FAF1: variants seen among roughly 807,000 people sequenced by gnomAD.
The protein encoded by FAF1 is Fas associated factor 1, also known as FAS-associated factor 1.
A neutral mutation model predicts 92.5 loss-of-function variants in FAF1; 25 were observed. The ratio of observed to expected loss-of-function variants is 0.27; its 90% CI spans 0.20 to 0.38. The LOEUF (loss-of-function observed/expected upper bound fraction) is 0.38. Ranked by LOEUF, FAF1 falls within the 10% of genes least tolerant of loss-of-function variation. FAF1 has a pLI of 1.00. For synonymous variants in FAF1, 234 were observed against 273.2 expected, an observed-to-expected ratio of 0.86 and a Z score of 1.42; for missense variants, 636 against 793.3, an observed-to-expected ratio of 0.80 and a Z score of 2.38.
chr1:50,885,986 C>A (rs1479446802), intron 1 of FAF1, among the ~76,000 whole-genome samples: 1 of 152,176 alleles, frequency 6.6e-6, no homozygotes, highest in Non-Finnish European at 1.5e-5. Context: ...TACATCTTAA[C>A]ATCAGCCCCC....
At chr1:50,764,906 T>C (rs192444062) in intron 4 of FAF1, among the ~76,000 whole-genome samples, 1 of 152,342 alleles carries the variant, frequency 6.6e-6, no homozygotes, top group Admixed American at 6.5e-5. Context: ...CAATTTTACA[T>C]GAAAATGTCT....
intron 4 of FAF1, among the ~76,000 whole-genome samples, chr1:50,761,640 G>T (rs555558243): frequency 6.6e-6 from 1 of 152,038 alleles, no homozygotes; most frequent in Non-Finnish European, 1.5e-5. Context: ...ATTCAACAAC[G>T]CTTCATGCTA....
intron 1 of FAF1, among the ~76,000 whole-genome samples, chr1:50,883,676 C>A (rs1406569127): frequency 6.6e-6 from 1 of 152,104 alleles, no homozygotes; most frequent in Admixed American, 6.5e-5. Context: ...ACTAAAGATA[C>A]AACCATCAAA....
chr1:50,722,971 C>T (rs1658476426), intron 6 of FAF1, among the ~76,000 whole-genome samples: 1 of 152,118 alleles, frequency 6.6e-6, no homozygotes, highest in Admixed American at 6.5e-5. Context: ...CCTCTCAATT[C>T]TAAGTCAGAG....
rs1350319927 is a variant in FAF1 at position 50,705,917 on chromosome 1, G to C, written c.552-26C>G. The C allele has an allele frequency of 2.1e-6, 3 of 1,401,974 alleles. No homozygotes were observed. In the Admixed American group the frequency reaches 5.2e-5, roughly 24 times the overall value. 86.8% of individuals were successfully genotyped at this position (1,401,974 alleles called of 1,614,324 possible). A position where few individuals can be genotyped will look rare whatever the true frequency, so the allele number is the denominator to read the frequency against. On this transcript the variant is annotated intron_variant, in intron 6 of 18. Transcript: ENST00000396153. ...CTGAAAGGGTTGAAAGAAAAACAAG[G>C]AACTCAGAGATGAACAAGTTCTAGC... is the stretch of plus-strand genomic sequence containing the variant.
chr1:50,778,414 C>G (rs1661040018), intron 4 of FAF1, among the ~76,000 whole-genome samples: 1 of 151,940 alleles, frequency 6.6e-6, no homozygotes, highest in Non-Finnish European at 1.5e-5. Context: ...GGGTACCAAT[C>G]CTTCCACACA....
intron 8 of FAF1, among the ~76,000 whole-genome samples, chr1:50,603,495 C>T (rs1202802647): frequency 1.3e-5 from 2 of 152,232 alleles, no homozygotes; most frequent in African/African-American, 4.8e-5. Context: ...CAGATGCTTA[C>T]TGTTCAGCTA....
intron 6 of FAF1, among the ~76,000 whole-genome samples, chr1:50,720,240 C>T (rs1159087778): frequency 4.6e-5 from 7 of 152,208 alleles, no homozygotes; most frequent in Non-Finnish European, 1.0e-4. Flanking sequence ...GACAGGTGAT[C>T]CGCGTGCCTT....
chr1:50,751,363 C>G (rs965392010), intron 4 of FAF1, among the ~76,000 whole-genome samples: 3 of 152,118 alleles, frequency 2.0e-5, no homozygotes, highest in African/African-American at 7.2e-5. Context: ...GAGATGGAGT[C>G]TCACTTTGTG....
At chr1:50,760,127 G>A (rs1324604061) in intron 4 of FAF1, among the ~76,000 whole-genome samples, 1 of 151,398 alleles carries the variant, frequency 6.6e-6, no homozygotes, top group Non-Finnish European at 1.5e-5. Context: ...AATTCAACAA[G>A]AAGAGCTAAC....
chr1:50,807,612 G>T (rs760616182), intron 2 of FAF1, among the ~76,000 whole-genome samples: 1 of 151,980 alleles, frequency 6.6e-6, no homozygotes, highest in Non-Finnish European at 1.5e-5. Flanking sequence ...GGGACACAGA[G>T]GCAAACAATA....
rs554212432 is a variant in FAF1, at chr1:50,670,043, C to A, written c.658-14515G>T. Among the ~76,000 whole-genome samples the A allele has an allele frequency of 2.3e-3, 339 of 146,472 alleles. 2 individuals are homozygous for A. Among genetic ancestry groups the A allele is most frequent in the African/African-American group, 8.0e-3 (315 of 39,486 alleles). ...GGCTGAGGGAGGAGAATCGCTTGAA[C>A]AAGGGAGGTGGAGGTTGCGGTGAGC... On this transcript the variant is annotated intron_variant, in intron 7 of 18. Transcript: ENST00000396153.
intron 5 of FAF1, among the ~76,000 whole-genome samples, chr1:50,740,459 G>A (rs1659337634): frequency 6.6e-6 from 1 of 152,120 alleles, no homozygotes; most frequent in Admixed American, 6.5e-5. Context: ...TAAGTGTGCA[G>A]TCTTAATCCA....
chr1:50,602,803 A>G (rs1017211715), intron 8 of FAF1, among the ~76,000 whole-genome samples: 17 of 152,278 alleles, frequency 1.1e-4, no homozygotes, highest in Middle Eastern at 3.4e-3. Flanking sequence ...CACCCAGCCT[A>G]AAGTATTGCT....
intron 8 of FAF1, among the ~76,000 whole-genome samples, chr1:50,640,785 G>C (rs931322079): frequency 2.1e-5 from 3 of 146,260 alleles, no homozygotes; most frequent in African/African-American, 7.6e-5. Context: ...TTCATATCTA[G>C]TCTCTTTTTC....
chr1:50,829,351 A>T (rs962570927), intron 2 of FAF1, among the ~76,000 whole-genome samples: 1 of 152,224 alleles, frequency 6.6e-6, no homozygotes, highest in Non-Finnish European at 1.5e-5. Flanking sequence ...TAAAATAAAC[A>T]AAAAAGGCAT....
chr1:50,553,980 A>G (rs996092372), intron 13 of FAF1, among the ~76,000 whole-genome samples: 4 of 151,956 alleles, frequency 2.6e-5, no homozygotes, highest in African/African-American at 9.7e-5. Flanking sequence ...ACATCAGCTA[A>G]GCATGTTATA....
At chr1:50,593,417 C>T (rs1464357745) in intron 9 of FAF1, among the ~76,000 whole-genome samples, 1 of 152,134 alleles carries the variant, frequency 6.6e-6, no homozygotes, top group East Asian at 1.9e-4. Flanking sequence ...TTGGTTGGGG[C>T]TAGTTGGCCA....
chr1:50,908,418 G>T (rs1644857052), intron 1 of FAF1, among the ~76,000 whole-genome samples: 1 of 152,148 alleles, frequency 6.6e-6, no homozygotes, highest in Non-Finnish European at 1.5e-5. Flanking sequence ...TTCAATTCCT[G>T]GATATTCTTG....
Sources: allele counts gnomAD v4.1 joint callset (sites outside exome capture counted in the v4.1 genomes callset), GRCh38; gene constraint gnomAD v4.1.1; transcripts MANE v1.5; gene names NCBI Gene and HGNC (gene_info 2026-07-23, HGNC 2026-07-21).